CLYBL: variants seen among roughly 807,000 people sequenced by gnomAD.
CLYBL encodes citramalyl-CoA lyase, also known as citramalyl-CoA lyase, mitochondrial.
CLYBL carries 31 observed loss-of-function variants against 38.9 expected under a neutral mutation model. The observed-to-expected ratio is 0.80, with a 90% CI of 0.60 to 1.08. CLYBL has a LOEUF of 1.08. Ranked by LOEUF, CLYBL falls within the 50% of genes least tolerant of loss-of-function variation. The probability of loss-of-function intolerance (pLI) is 0.00; values close to 1 mark genes in which losing one functional copy is unlikely to be tolerated. For synonymous variants in CLYBL, 171 were observed against 158.6 expected, an observed-to-expected ratio of 1.08 and a Z score of -0.59; for missense variants, 434 against 411.6, an observed-to-expected ratio of 1.05 and a Z score of -0.47.
intron 2 of CLYBL, among the ~76,000 whole-genome samples, chr13:99,802,016 C>CAAAAAACA (rs570423321): frequency 6.6e-6 from 1 of 151,878 alleles, no homozygotes; most frequent in Non-Finnish European, 1.5e-5. Context: ...AACTCCATCT[C>CAAAAAACA]AAAAAACAAA....
chr13:99,880,179 T>G (rs1356054530), intron 7 of CLYBL, among the ~76,000 whole-genome samples: 2 of 151,352 alleles, frequency 1.3e-5, no homozygotes, highest in Admixed American at 6.6e-5. Context: ...GCGATTCTCA[T>G]GCTTCAGCCT....
chr13:99,706,954 C>A (rs1282034406), intron 1 of CLYBL, among the ~76,000 whole-genome samples: 3 of 152,120 alleles, frequency 2.0e-5, no homozygotes. Context: ...AGGTGCCGTG[C>A]CACCAAGCCC....
chr13:99,623,256 C>T (rs930461469), intron 1 of CLYBL, among the ~76,000 whole-genome samples: 5 of 152,346 alleles, frequency 3.3e-5, no homozygotes, highest in Non-Finnish European at 7.3e-5. Context: ...CACATCCTCG[C>T]CAACACTTGC....
chr13:99,864,431 A>G (rs1312808699), intron 4 of CLYBL, among the ~76,000 whole-genome samples: 6 of 152,154 alleles, frequency 3.9e-5, no homozygotes, highest in Non-Finnish European at 7.3e-5. Flanking sequence ...AAATAATTCA[A>G]TTAGTTTGAT....
chr13:99,807,625 T>C (rs1235240141), intron 2 of CLYBL, among the ~76,000 whole-genome samples: 1 of 150,742 alleles, frequency 6.6e-6, no homozygotes, highest in Non-Finnish European at 1.5e-5. Context: ...ATCAGATTCA[T>C]AGAGAAAGGA....
At chr13:99,633,394 G>C (rs2046976025) in intron 1 of CLYBL, among the ~76,000 whole-genome samples, 1 of 151,608 alleles carries the variant, frequency 6.6e-6, no homozygotes, top group Non-Finnish European at 1.5e-5. Context: ...ACAAAACTGG[G>C]CATGGTGGCA....
chr13:99,815,858 C>T (rs976334237), intron 2 of CLYBL, among the ~76,000 whole-genome samples: 9 of 152,020 alleles, frequency 5.9e-5, no homozygotes, highest in East Asian at 1.9e-4. Flanking sequence ...GCCTGGGTGA[C>T]GGGGAGTGAG....
intron 1 of CLYBL, among the ~76,000 whole-genome samples, chr13:99,663,666 A>T (rs903469947): frequency 2.6e-5 from 4 of 152,086 alleles, no homozygotes; most frequent in Non-Finnish European, 4.4e-5. Flanking sequence ...TGACTTGGGG[A>T]CACTAAGAAA....
rs549859053 is a variant in CLYBL at position 99,805,139 on chromosome 13, C to G, written c.249+32129C>G. On this transcript the variant is annotated intron_variant, in intron 2 of 8. Coordinates refer to ENST00000339105, the MANE Select transcript of CLYBL (RefSeq NM_206808.5). ...ATAGTATTCCATGGCATGTATATAC[C>G]ACATTTTGCTTATCCGCTTATCTGT... 2.0e-5 allele frequency among the ~76,000 whole-genome samples: 3 copies of G among 152,138 alleles called. No homozygotes were observed. The East Asian group carries it at 5.8e-4, about 29-fold the overall frequency.
At chr13:99,789,716 G>T (rs567215297) in intron 2 of CLYBL, among the ~76,000 whole-genome samples, 1 of 152,140 alleles carries the variant, frequency 6.6e-6, no homozygotes, top group Non-Finnish European at 1.5e-5. Context: ...TATTAGGTCC[G>T]CTTGTTGCAG....
intron 2 of CLYBL, among the ~76,000 whole-genome samples, chr13:99,815,595 T>TA (rs1041708694): frequency 3.9e-5 from 6 of 151,902 alleles, no homozygotes; most frequent in Admixed American, 3.3e-4. Flanking sequence ...TAAAAATAAA[T>TA]AAAAAATTGG....
At chr13:99,611,747 A>C (rs182930771) in intron 1 of CLYBL, among the ~76,000 whole-genome samples, 1,561 of 152,302 alleles carry the variant, frequency 0.01, 23 homozygotes, top group African/African-American at 0.033. Flanking sequence ...TTTGTGGAAA[A>C]AGTGTTAAAC....
chr13:99,776,879 G>GT lies in CLYBL; in HGVS notation c.249+3880dup, dbSNP rs926780116. ...GCACAGAGATATCCAGTTCATGCAC[G>GT]TTTTTTTTTTTCATAGATAGAGTTT... On this transcript the variant is annotated intron_variant, in intron 2 of 8. Coordinates refer to ENST00000339105, the MANE Select transcript of CLYBL (RefSeq NM_206808.5). Among the ~76,000 whole-genome samples the GT allele has an allele frequency of 2.8e-3, 416 of 147,464 alleles. 1 individual carries two copies. The highest frequency in any genetic ancestry group is 8.5e-3 in the African/African-American group (345 of 40,430).
At chr13:99,750,950 G>A (rs1201615773) in intron 1 of CLYBL, among the ~76,000 whole-genome samples, 2 of 152,104 alleles carry the variant, frequency 1.3e-5, no homozygotes, top group African/African-American at 4.8e-5. Flanking sequence ...AAGAAATATG[G>A]CAATTCCTCA....
intron 1 of CLYBL, among the ~76,000 whole-genome samples, chr13:99,644,271 T>C (rs1412748605): frequency 6.6e-6 from 1 of 152,104 alleles, no homozygotes; most frequent in Admixed American, 6.5e-5. Flanking sequence ...GTATATATGG[T>C]GTATGTATGC....
intron 2 of CLYBL, among the ~76,000 whole-genome samples, chr13:99,773,824 C>T (rs1244394304): frequency 6.6e-6 from 1 of 152,082 alleles, no homozygotes; most frequent in Non-Finnish European, 1.5e-5. Context: ...ATGGATAAAT[C>T]ACCATTTTCT....
chr13:99,826,972 C>T (rs529940117), intron 2 of CLYBL, among the ~76,000 whole-genome samples: 1 of 152,358 alleles, frequency 6.6e-6, no homozygotes, highest in South Asian at 2.1e-4. Flanking sequence ...AAGTTGTCAT[C>T]TCATAATTCC....
rs1162105595 is a variant in CLYBL, at chr13:99,812,423, C to T, written c.249+39413C>T. On this transcript the variant is annotated intron_variant, in intron 2 of 8. Transcript: ENST00000339105. ...CTTCTGTGTAGTCTGAGTACAGTTT[C>T]CAATGGAGACAGCCTGCAGTGAGGA... Among the ~76,000 whole-genome samples, 8 of 152,296 alleles carry T rather than the reference C, an allele frequency of 5.3e-5. No homozygotes were observed. The East Asian group carries it at 5.8e-4, about 11-fold the overall frequency.
intron 1 of CLYBL, among the ~76,000 whole-genome samples, chr13:99,763,383 C>G: frequency 6.6e-6 from 1 of 152,110 alleles, no homozygotes; most frequent in East Asian, 1.9e-4. Flanking sequence ...TAAAGCGATG[C>G]TGAATTTTAT....
Sources: gnomAD v4.1 joint callset for allele counts (sites outside exome capture counted in the v4.1 genomes callset) on GRCh38, gnomAD v4.1.1 for gene constraint, MANE v1.5 for transcripts, NCBI Gene and HGNC (gene_info 2026-07-23, HGNC 2026-07-21) for gene names.